Variants in CCDC93 observed in about 807,000 individuals in gnomAD.
CCDC93 encodes CCC complex scaffolding subunit CCDC93.
In CCDC93, 61 loss-of-function variants were observed where a neutral mutation model predicts 108.2. The observed-to-expected ratio is 0.56, with a 90% CI of 0.46 to 0.70. The LOEUF is 0.70. CCDC93 is among the 30% of genes least tolerant of loss of function. CCDC93 has a pLI of 0.00. For missense variants in CCDC93, 685 were observed against 764.2 expected (o/e 0.90, Z 1.22); for synonymous variants, 276 against 260.4 (o/e 1.06, Z -0.58).
chr2:117,935,736 G>C (rs565007522), intron 21 of CCDC93, 157 bp from the exon 22 acceptor site: 130 of 456,144 alleles, frequency 2.8e-4, no homozygotes, highest in Admixed American at 7.4e-4. Flanking sequence ...TGGGATCCCA[G>C]GCAATTAAGG....
At chr2:117,941,922 T>C (rs766020044) in intron 18 of CCDC93, among the ~76,000 whole-genome samples, 32 of 151,902 alleles carry the variant, frequency 2.1e-4, no homozygotes, top group Non-Finnish European at 4.1e-4. Flanking sequence ...ACGTGTAGAC[T>C]CCAGACCAAG....
chr2:117,948,241 T>A, intron 14 of CCDC93, 55 bp from the exon 15 acceptor site: 1 of 1,359,286 alleles, frequency 7.4e-7, no homozygotes, highest in Non-Finnish European at 1.0e-6. Context: ...ATTTTATGAA[T>A]CGCAGCTAAA....
intron 13 of CCDC93, chr2:117,950,292 G>C (rs1173821164): frequency 1.0e-6 from 1 of 984,848 alleles, no homozygotes; most frequent in African/African-American, 1.7e-5. Context: ...AGTCAATTCT[G>C]ATCTTAATAG....
chr2:117,967,765 C>A (rs1009788916), intron 11 of CCDC93, among the ~76,000 whole-genome samples: 20 of 152,130 alleles, frequency 1.3e-4, no homozygotes, highest in African/African-American at 4.8e-4. Flanking sequence ...TTATAGAGCA[C>A]CAACACTGGT....
intron 8 of CCDC93, among the ~76,000 whole-genome samples, chr2:117,976,785 C>A (rs1357978957): frequency 2.0e-5 from 3 of 152,050 alleles, no homozygotes; most frequent in Non-Finnish European, 4.4e-5. Flanking sequence ...GTGCCTGCAG[C>A]GACTGAGACA....
intron 23 of CCDC93, 47 bp downstream of exon 23, chr2:117,930,990 C>T: frequency 1.6e-6 from 2 of 1,266,330 alleles, no homozygotes; most frequent in Non-Finnish European, 2.3e-6. Context: ...TTGAGGTGAA[C>T]ATATATCTCA....
chr2:117,933,541 C>A (rs905702658), intron 22 of CCDC93, among the ~76,000 whole-genome samples: 10 of 152,050 alleles, frequency 6.6e-5, no homozygotes, highest in Non-Finnish European at 1.2e-4. Flanking sequence ...TACTCAGAAA[C>A]CCTCAGACGG....
At chr2:117,926,022 G>C (rs1678080366) in intron 23 of CCDC93, among the ~76,000 whole-genome samples, 1 of 152,020 alleles carries the variant, frequency 6.6e-6, no homozygotes, top group Admixed American at 6.6e-5. Flanking sequence ...ATGACTACAG[G>C]GTACATAACG....
chr2:117,927,598 T>G (rs939405266), intron 23 of CCDC93, among the ~76,000 whole-genome samples: 20 of 152,214 alleles, frequency 1.3e-4, no homozygotes, highest in Non-Finnish European at 2.6e-4. Context: ...CACTGCTCGA[T>G]GAAATAAAAT....
intron 7 of CCDC93, among the ~76,000 whole-genome samples, chr2:117,978,726 G>A (rs1558792839): frequency 6.6e-6 from 1 of 152,116 alleles, no homozygotes; most frequent in Non-Finnish European, 1.5e-5. Context: ...AGCCAGGCGC[G>A]CTGGCTCACG....
chr2:117,968,015 CCAAGA>C (rs1679644783), intron 11 of CCDC93, among the ~76,000 whole-genome samples: 2 of 152,270 alleles, frequency 1.3e-5, no homozygotes, highest in South Asian at 4.1e-4. Flanking sequence ...TTCAGATTCA[CCAAGA>C]CAAATCTGTG....
chr2:117,985,011 G>C (rs1558796075), intron 7 of CCDC93, among the ~76,000 whole-genome samples: 1 of 145,740 alleles, frequency 6.9e-6, no homozygotes, highest in Non-Finnish European at 1.5e-5. Flanking sequence ...GCCTGACTTG[G>C]AGGAGGCATT....
intron 22 of CCDC93, among the ~76,000 whole-genome samples, chr2:117,932,957 C>T (rs1015552687): frequency 4.6e-5 from 7 of 152,166 alleles, no homozygotes; most frequent in Non-Finnish European, 7.3e-5. Flanking sequence ...AACACTTCAC[C>T]GTGACTGATT....
rs376853621 is a variant in CCDC93, at chr2:117,982,778, G to A, written c.620+3191C>T. 3.0e-3 allele frequency among the ~76,000 whole-genome samples: 455 copies of A among 151,420 alleles called. 4 individuals are homozygous for A. The highest frequency in any genetic ancestry group is 0.011 in the African/African-American group (434 of 41,248). ...AGTGGGGGGGGGGGTGCGTGAGGAA[G>A]TCAGGAATGCCGCAATGTTAAAGGG... On this transcript the variant is annotated intron_variant, in intron 7 of 23. Coordinates refer to ENST00000376300, the MANE Select transcript of CCDC93 (RefSeq NM_019044.5).
At chr2:117,984,014 A>G (rs1680239065) in intron 7 of CCDC93, among the ~76,000 whole-genome samples, 2 of 152,182 alleles carry the variant, frequency 1.3e-5, no homozygotes, top group Non-Finnish European at 2.9e-5. Flanking sequence ...TGAAGTGCCA[A>G]TCTGAGCCTC....
rs1410097264 is a variant in CCDC93 at position 117,916,727 on chromosome 2, C to G, written c.*3616G>C. ...ATTCCCTGTGTTGTCAAGTATGCTG[C>G]AGATCAGCACCAGATTCTCCAGTTT... On this transcript the variant is annotated 3_prime_UTR_variant, in exon 24 of 24. Transcript: ENST00000376300. The G allele has an allele frequency of 1.3e-5, 2 of 152,188 alleles. No homozygotes were observed. Among genetic ancestry groups the G allele is most frequent in the East Asian group, 1.9e-4 (1 of 5,192 alleles). 9.4% of individuals were successfully genotyped at this position (152,188 alleles called of 1,614,324 possible).
chr2:117,921,234 C>T (rs1414360427), intron 23 of CCDC93, among the ~76,000 whole-genome samples: 1 of 150,396 alleles, frequency 6.6e-6, no homozygotes, highest in East Asian at 2.0e-4. Flanking sequence ...TGTATGAAAT[C>T]AATGGCACGT....
chr2:117,943,917 T>C, intron 18 of CCDC93, 107 bp downstream of exon 18: 1 of 674,890 alleles, frequency 1.5e-6, no homozygotes, highest in South Asian at 2.4e-5. Flanking sequence ...GCAGCCTCAT[T>C]ACTTATTTTC....
At chr2:117,923,007 C>CA (rs34776554) in intron 23 of CCDC93, among the ~76,000 whole-genome samples, 26,028 of 132,780 alleles carry the variant, frequency 0.2, 2,363 homozygotes, top group South Asian at 0.24. Context: ...GTAATATGTT[C>CA]AAAAAAAAAA....
Sources: gnomAD v4.1 joint callset for allele counts (sites outside exome capture counted in the v4.1 genomes callset) on GRCh38, gnomAD v4.1.1 for gene constraint, MANE v1.5 for transcripts, NCBI Gene and HGNC (gene_info 2026-07-23, HGNC 2026-07-21) for gene names.